The following TMEM120B variants were observed in gnomAD, a reference collection of about 807,000 sequenced individuals.
The protein encoded by TMEM120B is transmembrane protein 120B.
A neutral mutation model predicts 55.5 loss-of-function variants in TMEM120B; 31 were observed. That is an observed-to-expected ratio of 0.56 (90% confidence interval 0.42 to 0.75). The LOEUF (loss-of-function observed/expected upper bound fraction) is 0.75. Ranked by LOEUF, TMEM120B falls within the 30% of genes least tolerant of loss-of-function variation. The pLI, the probability that TMEM120B is intolerant of heterozygous loss-of-function variation, is 0.00. For synonymous variants in TMEM120B, 203 were observed against 176.3 expected, an observed-to-expected ratio of 1.15 and a Z score of -1.20; for missense variants, 399 against 425.5, an observed-to-expected ratio of 0.94 and a Z score of 0.55.
rs762421772 is a variant in TMEM120B at position 121,748,331 on chromosome 12, A to G, written c.194A>G (p.Lys65Arg). The G allele has an allele frequency of 9.9e-6, 16 of 1,609,874 alleles. No homozygotes were observed. The change falls in exon 3 of 12, where the codon AAA becomes AGA. Residue 65 changes from lysine to arginine, a missense_variant. Coordinates refer to ENST00000449592, the MANE Select transcript of TMEM120B (RefSeq NM_001080825.2). ...KDLKLTLQRC[K>R]RHASREEAEL... ...GCCTGCATCTCTGTCCGCAGGTGCA[A>G]ACGCCATGCCAGTCGGGAGGAGGCG... is the stretch of plus-strand genomic sequence containing the variant.
At chr12:121,752,048 C>A in intron 4 of TMEM120B, 80 bp from the exon 5 acceptor site, 1 of 1,177,702 alleles carries the variant, frequency 8.5e-7, no homozygotes, top group Non-Finnish European at 1.3e-6. Context: ...GGACAAGGGT[C>A]TGATGGGGCT....
chr12:121,754,833 C>T (rs1044010487), intron 5 of TMEM120B, among the ~76,000 whole-genome samples: 3 of 152,266 alleles, frequency 2.0e-5, no homozygotes, highest in African/African-American at 4.8e-5. Flanking sequence ...AGGCTAAAAA[C>T]GGGGCAGAGG....
At position 121,712,838 on chromosome 12, in the gene TMEM120B, C is replaced by A; in HGVS notation, c.-58C>A. The stretch of plus-strand genomic sequence containing the variant: ...CGCGCGGGCGTGGGGCGCTGGGGGG[C>A]CGGTCGGGCAGCGCTGCGGGAGCAG... On this transcript the variant is annotated 5_prime_UTR_variant, in exon 1 of 12. Transcript: ENST00000449592. 5 of 1,285,438 alleles carry A rather than the reference C, an allele frequency of 3.9e-6. No homozygotes were observed. Among genetic ancestry groups the A allele is most frequent in the Non-Finnish European group, 5.0e-6 (5 of 995,160 alleles). 79.6% of individuals were successfully genotyped at this position (1,285,438 alleles called of 1,614,324 possible).
At chr12:121,760,079 C>T (rs567978848) in intron 5 of TMEM120B, among the ~76,000 whole-genome samples, 9 of 147,240 alleles carry the variant, frequency 6.1e-5, no homozygotes, top group East Asian at 4.0e-4. Flanking sequence ...TGCAGTAAGC[C>T]GAGATCACGC....
At chr12:121,770,090 C>T (rs571945697) in intron 6 of TMEM120B, among the ~76,000 whole-genome samples, 2 of 152,146 alleles carry the variant, frequency 1.3e-5, no homozygotes, top group East Asian at 3.9e-4. Context: ...CTGGGTGAGC[C>T]CGCTGGGTGT....
At chr12:121,713,926 T>C (rs1322960662) in intron 1 of TMEM120B, among the ~76,000 whole-genome samples, 1 of 152,172 alleles carries the variant, frequency 6.6e-6, no homozygotes, top group Non-Finnish European at 1.5e-5. Context: ...AGCAGTGACA[T>C]TGTCCCTGTC....
chr12:121,744,108 G>T (rs560360214), intron 2 of TMEM120B, among the ~76,000 whole-genome samples: 1 of 150,856 alleles, frequency 6.6e-6, no homozygotes, highest in African/African-American at 2.4e-5. Context: ...GCCCAGGCTG[G>T]AGTGCCATGG....
At chr12:121,757,737 C>T (rs188729898) in intron 5 of TMEM120B, among the ~76,000 whole-genome samples, 2,918 of 152,178 alleles carry the variant, frequency 0.019, 38 homozygotes, top group Non-Finnish European at 0.034. Context: ...AGGATGGTCT[C>T]GATCTCCTGA....
rs1381762944 is a variant in TMEM120B, at chr12:121,712,799, GGGCGGTC to G, written c.-92_-86del. 1.1e-4 allele frequency: 101 copies of G among 889,892 alleles called. No homozygotes were observed. The highest frequency in any genetic ancestry group is 1.4e-4 in the Non-Finnish European group (93 of 665,796). 55.1% of individuals were successfully genotyped at this position (889,892 alleles called of 1,614,324 possible). A position where few individuals can be genotyped will look rare whatever the true frequency, so the allele number is the denominator to read the frequency against. On this transcript the variant is annotated 5_prime_UTR_variant, in exon 1 of 12. Transcript: ENST00000449592. ...GCGCAGGAACAGCTGGTGCCTCCGA[GGGCGGTC>G]GGCGAGCGCGCGGGCGTGGGGCGCT...
chr12:121,751,800 T>A (rs949142628), intron 4 of TMEM120B, among the ~76,000 whole-genome samples: 6 of 152,134 alleles, frequency 3.9e-5, no homozygotes, highest in African/African-American at 1.4e-4. Flanking sequence ...GTCTACCCCA[T>A]TTCCAGACAG....
At chr12:121,767,272 T>C (rs1292496922) in intron 6 of TMEM120B, among the ~76,000 whole-genome samples, 2 of 152,220 alleles carry the variant, frequency 1.3e-5, no homozygotes, top group African/African-American at 4.8e-5. Flanking sequence ...GCCATTCTCC[T>C]GCCTCAACCT....
chr12:121,738,373 AG>A (rs1296558126), intron 1 of TMEM120B, among the ~76,000 whole-genome samples: 1 of 152,158 alleles, frequency 6.6e-6, no homozygotes, highest in African/African-American at 2.4e-5. Flanking sequence ...GGGCCTGATG[AG>A]CATCTGGCAG....
intron 5 of TMEM120B, among the ~76,000 whole-genome samples, chr12:121,760,313 T>G (rs1592943278): frequency 6.7e-6 from 1 of 150,256 alleles, no homozygotes; most frequent in Non-Finnish European, 1.5e-5. Flanking sequence ...AAAGAAAAAG[T>G]AAAGTACACT....
chr12:121,727,559 AG>A (rs1894919940), intron 1 of TMEM120B, among the ~76,000 whole-genome samples: 2 of 150,058 alleles, frequency 1.3e-5, no homozygotes, highest in African/African-American at 4.9e-5. Context: ...AAAAAAAAAA[AG>A]ACCGTGCCCT....
In TMEM120B at chr12:121,776,095, A is replaced by G. The variant is rs909822046; in HGVS notation, c.*373A>G. On this transcript the variant is annotated 3_prime_UTR_variant, in exon 12 of 12. Transcript: ENST00000449592. ...GTTTGGATGTGCCTCGCGGGGTTGG[A>G]TTTATGCTGACCTGCTACTTACCAG... 1.2e-5 allele frequency: 6 copies of G among 519,710 alleles called. No individual in the cohort carries two copies. The highest frequency in any genetic ancestry group is 3.9e-5 in the African/African-American group (2 of 51,116). 32.2% of individuals were successfully genotyped at this position (519,710 alleles called of 1,614,324 possible). A position where few individuals can be genotyped will look rare whatever the true frequency, so the allele number is the denominator to read the frequency against.
At chr12:121,734,922 A>C (rs1895077743) in intron 1 of TMEM120B, among the ~76,000 whole-genome samples, 1 of 149,186 alleles carries the variant, frequency 6.7e-6, no homozygotes, top group Non-Finnish European at 1.5e-5. Context: ...TCAAAAAAAG[A>C]AAAAAAAAAG....
chr12:121,775,124 A>G lies in TMEM120B; in HGVS notation c.900A>G (p.Glu300=), dbSNP rs374555959. 1 of 1,053,190 alleles carries G rather than the reference A, an allele frequency of 9.5e-7. No homozygotes were observed. The highest frequency in any genetic ancestry group is 2.2e-5 in the Admixed American group (1 of 44,724). 65.2% of individuals were successfully genotyped at this position (1,053,190 alleles called of 1,614,324 possible). A position where few individuals can be genotyped will look rare whatever the true frequency, so the allele number is the denominator to read the frequency against. Residue 300 remains glutamate (E), a synonymous_variant, in exon 11 of 12, where the codon GAA becomes GAG. Transcript: ENST00000449592. The surrounding 1 kb of genome is among the most constrained non-coding windows in gnomAD (Gnocchi z 4.3). ...TCTCCAGCCACGAGGAATGCAGAGA[A>G]TGGCAGGTATGGGGGGTGGGGGCAT... The part of the protein sequence containing the change: ...FELSSHEECR[E]WQVFVLAFTF...
At chr12:121,766,328 A>T (rs189030031) in intron 6 of TMEM120B, among the ~76,000 whole-genome samples, 111 of 152,290 alleles carry the variant, frequency 7.3e-4, no homozygotes, top group African/African-American at 2.5e-3. Context: ...CTTGAAAATG[A>T]TGGAAAACCA....
Position 121,781,004 on chromosome 12 carries a change from C to T in TMEM120B, c.*5282C>T. ...GGCAGAAATGCGTGACCTCAGGGAA[C>T]CACTGTGGAGGGAGGAGGCGGGATC... On this transcript the variant is annotated 3_prime_UTR_variant, in exon 12 of 12. Transcript: ENST00000449592. 1 of 1,613,520 alleles carries T rather than the reference C, an allele frequency of 6.2e-7. No individual in the cohort carries two copies. Among genetic ancestry groups the T allele is most frequent in the Non-Finnish European group, 8.5e-7 (1 of 1,179,606 alleles).
Sources: gnomAD v4.1 joint callset for allele counts (sites outside exome capture counted in the v4.1 genomes callset) on GRCh38, gnomAD v4.1.1 for gene constraint, Gnocchi (gnomAD v3.1) non-coding constraint, MANE v1.5 for transcripts, NCBI Gene and HGNC (gene_info 2026-07-23, HGNC 2026-07-21) for gene names.